ARHGAP15: variants seen among roughly 807,000 people sequenced by gnomAD.
The protein encoded by ARHGAP15 is rho GTPase-activating protein 15.
A neutral mutation model predicts 63.7 loss-of-function variants in ARHGAP15; 51 were observed. The observed-to-expected ratio is 0.80, with a 90% confidence interval of 0.64 to 1.01. The LOEUF (loss-of-function observed/expected upper bound fraction) is 1.01, where lower values mean the gene tolerates loss of function less well. ARHGAP15 is among the 50% of genes least tolerant of loss of function. The probability of loss-of-function intolerance (pLI) is 0.00; values close to 1 mark genes in which losing one functional copy is unlikely to be tolerated. For missense variants in ARHGAP15, 560 were observed against 564.6 expected (o/e 0.99, Z 0.08); for synonymous variants, 191 against 193.8 (o/e 0.99, Z 0.12).
intron 12 of ARHGAP15, among the ~76,000 whole-genome samples, chr2:143,697,654 G>GC (rs1009384194): frequency 6.6e-6 from 1 of 152,094 alleles, no homozygotes; most frequent in African/African-American, 2.4e-5. Context: ...TGCCCCCAGA[G>GC]CATCTCCTCT....
rs1693649689 is a variant in ARHGAP15, at chr2:143,512,855, G to A, written c.827-6411G>A. 8.5e-5 allele frequency among the ~76,000 whole-genome samples: 13 copies of A among 152,342 alleles called. 1 individual carries two copies. In the South Asian group the frequency reaches 2.7e-3, roughly 32 times the overall value. On this transcript the variant is annotated intron_variant, in intron 9 of 13. Transcript: ENST00000295095. ...AACTAGTTCCTGTGTCCGCTCATCTGCGGCACATAAGCATCTTCCCAAATT... is the reference window on the plus strand; with the variant it reads ...AACTAGTTCCTGTGTCCGCTCATCTACGGCACATAAGCATCTTCCCAAATT...
intron 13 of ARHGAP15, among the ~76,000 whole-genome samples, chr2:143,733,201 T>C (rs1187090084): frequency 6.6e-6 from 1 of 152,152 alleles, no homozygotes; most frequent in African/African-American, 2.4e-5. Flanking sequence ...GTACTTATTA[T>C]CAAATCGTCA....
intron 1 of ARHGAP15, among the ~76,000 whole-genome samples, 183 bp from the exon 2 acceptor site, chr2:143,155,294 T>A (rs1200103304): frequency 1.3e-5 from 2 of 151,914 alleles, no homozygotes; most frequent in South Asian, 2.1e-4. Flanking sequence ...GCTATCCACA[T>A]GTAAAGGTCC....
chr2:143,384,896 GA>G, intron 6 of ARHGAP15, among the ~76,000 whole-genome samples: 1 of 152,166 alleles, frequency 6.6e-6, no homozygotes, highest in East Asian at 1.9e-4. Flanking sequence ...TGCATTCAGA[GA>G]AAAAAACTTT....
intron 6 of ARHGAP15, among the ~76,000 whole-genome samples, chr2:143,255,119 C>T (rs944192622): frequency 3.9e-5 from 6 of 152,056 alleles, no homozygotes; most frequent in African/African-American, 1.2e-4. Context: ...TAAAAACATA[C>T]ATTGGGCTCT....
chr2:143,494,307 A>G (rs942249541), intron 9 of ARHGAP15, among the ~76,000 whole-genome samples: 3 of 151,968 alleles, frequency 2.0e-5, no homozygotes, highest in Non-Finnish European at 4.4e-5. Flanking sequence ...TATTATTTTA[A>G]CTTTAGCAAT....
At chr2:143,183,980 T>C (rs186627342) in intron 2 of ARHGAP15, among the ~76,000 whole-genome samples, 1 of 152,288 alleles carries the variant, frequency 6.6e-6, no homozygotes, top group Non-Finnish European at 1.5e-5. Flanking sequence ...TATTAGCCCA[T>C]GGCAGTTGAC....
At chr2:143,356,829 G>A (rs957620646) in intron 6 of ARHGAP15, among the ~76,000 whole-genome samples, 6 of 152,046 alleles carry the variant, frequency 3.9e-5, no homozygotes, top group South Asian at 2.1e-4. Flanking sequence ...TGACAACCAG[G>A]TTCAGAAACT....
chr2:143,208,150 T>C (rs1692415380), intron 3 of ARHGAP15, among the ~76,000 whole-genome samples: 1 of 152,206 alleles, frequency 6.6e-6, no homozygotes, highest in Non-Finnish European at 1.5e-5. Context: ...CTCTACTGTA[T>C]GGATCTTCAG....
chr2:143,656,934 G>GGGGTGTGTGTGTGTGTGTGTGTGT (rs1484394918), intron 12 of ARHGAP15, among the ~76,000 whole-genome samples: 17 of 144,934 alleles, frequency 1.2e-4, no homozygotes, highest in Admixed American at 3.4e-4. Context: ...CAAAGTTTCT[G>GGGGTGTGTGTGTGTGTGTGTGTGT]GTGTGTGTGT....
intron 2 of ARHGAP15, 97 bp downstream of exon 2, chr2:143,155,752 T>C: frequency 7.8e-7 from 1 of 1,289,302 alleles, no homozygotes. Context: ...TTTGTTTTCC[T>C]AATGTGCATG....
intron 9 of ARHGAP15, among the ~76,000 whole-genome samples, chr2:143,502,021 A>T (rs916055355): frequency 2.0e-5 from 3 of 152,182 alleles, no homozygotes; most frequent in African/African-American, 4.8e-5. Context: ...GCCTTACTTC[A>T]TCCAGGACAG....
intron 12 of ARHGAP15, among the ~76,000 whole-genome samples, chr2:143,648,154 C>T (rs1335535310): frequency 6.6e-6 from 1 of 152,048 alleles, no homozygotes; most frequent in Non-Finnish European, 1.5e-5. Flanking sequence ...AAACAAAATG[C>T]ACATTCTGCC....
intron 6 of ARHGAP15, among the ~76,000 whole-genome samples, chr2:143,294,109 A>G (rs1217327005): frequency 1.3e-5 from 2 of 152,016 alleles, no homozygotes; most frequent in Admixed American, 1.3e-4. Flanking sequence ...TTCCTACTCA[A>G]TAAGCACCTT....
At chr2:143,393,721 C>CT (rs1687635650) in intron 6 of ARHGAP15, among the ~76,000 whole-genome samples, 1 of 92,210 alleles carries the variant, frequency 1.1e-5, no homozygotes. Context: ...GAGCGAGACT[C>CT]TGTCTAAAAA....
At chr2:143,150,484 G>C (rs1033282429) in intron 1 of ARHGAP15, among the ~76,000 whole-genome samples, 2 of 151,938 alleles carry the variant, frequency 1.3e-5, no homozygotes, top group Non-Finnish European at 2.9e-5. Flanking sequence ...TCTCATTACT[G>C]CTTCCTGTTT....
At chr2:143,392,692 CAT>C (rs1198753067) in intron 6 of ARHGAP15, among the ~76,000 whole-genome samples, 1 of 152,092 alleles carries the variant, frequency 6.6e-6, no homozygotes, top group African/African-American at 2.4e-5. Context: ...ATTGAAGAAA[CAT>C]AAACAGAAAA....
rs555480686 is a variant in ARHGAP15, at chr2:143,402,745, G to A, written c.475-32856G>A. On this transcript the variant is annotated intron_variant, in intron 6 of 13. Coordinates refer to ENST00000295095, the MANE Select transcript of ARHGAP15 (RefSeq NM_018460.4). ...ACAGCTTGAGAAAGAGCCTCATGTT[G>A]GGCTGATTGAAGGAAAAACCCCAGA... Among the ~76,000 whole-genome samples, 223 of 151,870 alleles carry A rather than the reference G, an allele frequency of 1.5e-3. 2 individuals are homozygous for A. Among genetic ancestry groups the A allele is most frequent in the African/African-American group, 5.3e-3 (219 of 41,488 alleles).
chr2:143,272,284 C>T (rs1188894021), intron 6 of ARHGAP15, among the ~76,000 whole-genome samples: 1 of 152,130 alleles, frequency 6.6e-6, no homozygotes, highest in Non-Finnish European at 1.5e-5. Context: ...TCTTAACATC[C>T]ATACTCTTTC....
Sources: gnomAD v4.1 joint callset for allele counts (sites outside exome capture counted in the v4.1 genomes callset) on GRCh38, gnomAD v4.1.1 for gene constraint, MANE v1.5 for transcripts, NCBI Gene and HGNC (gene_info 2026-07-23, HGNC 2026-07-21) for gene names.